The following PCGF3 variants were observed in gnomAD, a reference collection of about 807,000 sequenced individuals.
The protein encoded by PCGF3 is polycomb group RING finger protein 3.
A neutral mutation model predicts 33.1 loss-of-function variants in PCGF3; 7 were observed. That is an observed-to-expected ratio of 0.21 (90% confidence interval 0.12 to 0.40). The LOEUF is 0.40. Among genes scored for constraint, PCGF3 ranks in the 10% least tolerant of loss-of-function variants. PCGF3 has a pLI of 1.00. For synonymous variants in PCGF3, 153 were observed against 121.3 expected, an observed-to-expected ratio of 1.26 and a Z score of -1.72; for missense variants, 211 against 313.3, an observed-to-expected ratio of 0.67 and a Z score of 2.46.
At position 753,421 on chromosome 4, in the gene PCGF3, G is replaced by A. The variant is rs377482685; in HGVS notation, c.463-7858G>A. ...CGTAATCCCAGCATATTGGGAGGCC[G>A]AGGCAGGCGGATCACAAGGTCAGGA... On this transcript the variant is annotated intron_variant, in intron 8 of 10. Transcript: ENST00000362003. Among the ~76,000 whole-genome samples, 18 of 152,294 alleles carry A rather than the reference G, an allele frequency of 1.2e-4. No homozygotes were observed. In the East Asian group the frequency reaches 3.1e-3, roughly 26 times the overall value.
intron 4 of PCGF3, chr4:734,190 G>A (rs746525272): frequency 6.5e-7 from 1 of 1,538,918 alleles, no homozygotes; most frequent in South Asian, 1.2e-5. Flanking sequence ...ATGAGTCTGT[G>A]CTTTGGTGTT....
chr4:742,587 GGTCAC>G (rs1744142476), intron 6 of PCGF3, among the ~76,000 whole-genome samples: 1 of 152,198 alleles, frequency 6.6e-6, no homozygotes, highest in Admixed American at 6.5e-5. Flanking sequence ...TGTGAACTAA[GGTCAC>G]CCTTAGGGGG....
rs566212866 is a variant in PCGF3, at chr4:734,012, C to T, written c.109+223C>T. On this transcript the variant is annotated intron_variant, in intron 4 of 10. Coordinates refer to ENST00000362003, the Ensembl canonical transcript of PCGF3. ...GCAGATGAGGCCTCGCTTAGGAGAG[C>T]GAAACACAGGAGAGACCCCACATTC... The T allele has an allele frequency of 3.1e-4, 480 of 1,550,904 alleles. 4 individuals are homozygous for T. In the South Asian group the frequency reaches 3.6e-3, roughly 12 times the overall value.
At position 750,592 on chromosome 4, in the gene PCGF3, T is replaced by C. The variant is rs889760632; in HGVS notation, c.462+5904T>C. 1.8e-4 allele frequency among the ~76,000 whole-genome samples: 28 copies of C among 152,198 alleles called. 1 individual carries two copies. In the East Asian group the frequency reaches 3.9e-3, roughly 21 times the overall value. On this transcript the variant is annotated intron_variant, in intron 8 of 10. Coordinates refer to ENST00000362003, the Ensembl canonical transcript of PCGF3. ...GGTGGTGAGATTGCCTCGAGGTTTT[T>C]ATGAAGATTAAATGATTTCCTATTT... is the stretch of plus-strand genomic sequence containing the variant.
At chr4:750,118 G>A (rs142112006) in intron 8 of PCGF3, among the ~76,000 whole-genome samples, 2 of 152,232 alleles carry the variant, frequency 1.3e-5, no homozygotes, top group Admixed American at 6.5e-5. Flanking sequence ...CTTTGTAAGC[G>A]CATTTCCGGC....
chr4:765,664 C>T (rs1321002484), intron 10 of PCGF3, among the ~76,000 whole-genome samples: 1 of 152,122 alleles, frequency 6.6e-6, no homozygotes, highest in Non-Finnish European at 1.5e-5. Flanking sequence ...CCCACCTCAG[C>T]TGGTGTTGCT....
At chr4:748,893 G>A (rs868181212) in intron 8 of PCGF3, among the ~76,000 whole-genome samples, 15 of 152,080 alleles carry the variant, frequency 9.9e-5, no homozygotes, top group Admixed American at 3.9e-4. Flanking sequence ...CTGGGATCTC[G>A]TGGAAATTCA....
intron 2 of PCGF3, 40 bp from the exon 3 acceptor site, chr4:730,930 A>G: frequency 2.5e-6 from 1 of 398,042 alleles, no homozygotes. Flanking sequence ...TCACACATCC[A>G]TGACGCGAAG....
At chr4:718,170 A>T (rs1305603976) in intron 1 of PCGF3, among the ~76,000 whole-genome samples, 1 of 152,110 alleles carries the variant, frequency 6.6e-6, no homozygotes, top group Non-Finnish European at 1.5e-5. Flanking sequence ...CCGCCCACTG[A>T]CGTGCAGCCG....
intron 1 of PCGF3, among the ~76,000 whole-genome samples, 156 bp from the exon 2 acceptor site, chr4:730,474 G>C (rs560575207): frequency 1.3e-5 from 2 of 152,160 alleles, no homozygotes; most frequent in Non-Finnish European, 2.9e-5. Flanking sequence ...CGTGTCTCCC[G>C]GGTAGAGCCT....
At chr4:719,074 G>C (rs12504026) in intron 1 of PCGF3, among the ~76,000 whole-genome samples, 39,230 of 151,812 alleles carry the variant, frequency 0.26, 5,404 homozygotes, top group South Asian at 0.36. Context: ...CCTGCCTCAG[G>C]CTCCTGAGTA....
chr4:716,043 C>T (rs1192521698), intron 1 of PCGF3, among the ~76,000 whole-genome samples: 2 of 122,264 alleles, frequency 1.6e-5, no homozygotes, highest in African/African-American at 6.4e-5. Context: ...AACTGGGCGT[C>T]GGTGCTGGAA....
chr4:749,158 T>C (rs1361450625), intron 8 of PCGF3, among the ~76,000 whole-genome samples: 3 of 152,372 alleles, frequency 2.0e-5, no homozygotes, highest in East Asian at 1.9e-4. Context: ...TGATCAAATA[T>C]TGAATTTTGT....
At chr4:762,639 G>C (rs1745124997) in intron 9 of PCGF3, 1 of 152,316 alleles carries the variant, frequency 6.6e-6, no homozygotes, top group Non-Finnish European at 1.5e-5. Context: ...GAATGTCCCA[G>C]CTCCCAGAAC....
chr4:761,427 A>ATC lies in PCGF3; in HGVS notation c.600+12_600+13dup. The ATC allele has an allele frequency of 1.3e-6, 2 of 1,591,114 alleles. No individual in the cohort carries two copies. The highest frequency in any genetic ancestry group is 1.7e-6 in the Non-Finnish European group (2 of 1,166,976). Reference sequence around the variant, plus strand: ...TCATCCTTTAACGAGGTAACAGTTGATCCCTAAGTAGAAACCATAACAAGT... The same window carrying ATC: ...TCATCCTTTAACGAGGTAACAGTTGATCTCCCTAAGTAGAAACCATAACAAGT... On this transcript the variant is annotated intron_variant, in intron 9 of 10. Coordinates refer to ENST00000362003, the Ensembl canonical transcript of PCGF3.
At chr4:768,650 T>C (rs1321997262) in exon 11 of PCGF3, 5 of 152,522 alleles carry the variant, frequency 3.3e-5, no homozygotes, top group Admixed American at 3.3e-4. Flanking sequence ...TCAAATAGAA[T>C]ATATAATATT....
chr4:756,000 C>T (rs1380931811), intron 8 of PCGF3, among the ~76,000 whole-genome samples: 1 of 147,452 alleles, frequency 6.8e-6, no homozygotes, highest in Non-Finnish European at 1.5e-5. Context: ...GCAACCTCCA[C>T]CTCCCGGGTT....
At chr4:738,509 G>A (rs1189618668) in intron 6 of PCGF3, among the ~76,000 whole-genome samples, 1 of 152,178 alleles carries the variant, frequency 6.6e-6, no homozygotes, top group Non-Finnish European at 1.5e-5. Flanking sequence ...GGGCGGGATC[G>A]GGGCGGGACC....
chr4:719,911 T>C (rs1743005024), intron 1 of PCGF3, among the ~76,000 whole-genome samples: 1 of 152,108 alleles, frequency 6.6e-6, no homozygotes, highest in Non-Finnish European at 1.5e-5. Context: ...AGGGAGGGAC[T>C]CTCCGGACGA....
Sources: gnomAD v4.1 joint callset for allele counts (sites outside exome capture counted in the v4.1 genomes callset) on GRCh38, gnomAD v4.1.1 for gene constraint, MANE v1.5 for transcripts, NCBI Gene and HGNC (gene_info 2026-07-23, HGNC 2026-07-21) for gene names.